The following CAPN3 variants were observed in gnomAD, a reference collection of about 807,000 sequenced individuals.
The protein encoded by CAPN3 is calpain 3.
CAPN3 carries 88 observed loss-of-function variants against 114.0 expected under a neutral mutation model. The ratio of observed to expected loss-of-function variants is 0.77; its 90% confidence interval spans 0.65 to 0.92. The LOEUF is 0.92. Ranked by LOEUF, CAPN3 falls within the 40% of genes least tolerant of loss-of-function variation. The probability of loss-of-function intolerance (pLI) is 0.00; values close to 1 mark genes in which losing one functional copy is unlikely to be tolerated. For missense variants in CAPN3, 1,028 were observed against 1,069.0 expected (o/e 0.96, Z 0.53); for synonymous variants, 386 against 382.9 (o/e 1.01, Z -0.09).
In CAPN3 at chr15:42,389,780, A is replaced by G. The variant is rs573208332; in HGVS notation, c.802-173A>G. ...CAGTTAGCACACAACACCATGGATGAACTTTTTTTCTGTATCACTTTTCTC... is the reference window on the plus strand; with the variant it reads ...CAGTTAGCACACAACACCATGGATGGACTTTTTTTCTGTATCACTTTTCTC... On this transcript the variant is annotated intron_variant, in intron 5 of 23. Coordinates refer to ENST00000397163, the MANE Select transcript of CAPN3 (RefSeq NM_000070.3). Among the ~76,000 whole-genome samples the G allele has an allele frequency of 3.3e-5, 5 of 152,276 alleles. No individual in the cohort carries two copies. In the East Asian group the frequency reaches 5.8e-4, roughly 18 times the overall value.
At position 42,360,011 on chromosome 15, in the gene CAPN3, T is replaced by G. The variant is rs1194234799; in HGVS notation, c.206T>G (p.Leu69Arg). ...TTCGAGCAACTTCACAAGAAATGTC[T>G]AGAAAAGAAAGTTCTTTATGTGGAC... ...KTFEQLHKKC[L>R]EKKVLYVDPE... Residue 69 changes from leucine (L) to arginine (R), a missense_variant, in exon 1 of 24, where the codon CTA (leucine) becomes CGA (arginine). Physicochemically the swap from Leu to Arg is moderately radical, Grantham distance 102. Coordinates refer to ENST00000397163, the MANE Select transcript of CAPN3 (RefSeq NM_000070.3). The G allele has an allele frequency of 6.2e-7, 1 of 1,614,236 alleles. No homozygotes were observed. The highest frequency in any genetic ancestry group is 8.5e-7 in the Non-Finnish European group (1 of 1,180,036).
chr15:42,383,209 G>A (rs748166284), intron 1 of CAPN3, among the ~76,000 whole-genome samples: 3 of 152,170 alleles, frequency 2.0e-5, no homozygotes, highest in Non-Finnish European at 4.4e-5. Flanking sequence ...TGTGATGGGG[G>A]TTGGGGGAAG....
chr15:42,359,700 C>G lies in CAPN3; in HGVS notation c.-106C>G. On this transcript the variant is annotated 5_prime_UTR_variant, in exon 1 of 24. Coordinates refer to ENST00000397163, the MANE Select transcript of CAPN3 (RefSeq NM_000070.3). Reference sequence around the variant, plus strand: ...GAACTGGATGTGGACACTTTTCTCTCAGATGACAGAATTACTCCAACTTCC... The same window carrying G: ...GAACTGGATGTGGACACTTTTCTCTGAGATGACAGAATTACTCCAACTTCC... The G allele has an allele frequency of 6.3e-7, 1 of 1,584,030 alleles. No individual in the cohort carries two copies. Among genetic ancestry groups the G allele is most frequent in the Non-Finnish European group, 8.6e-7 (1 of 1,167,840 alleles).
chr15:42,409,646 AG>A, intron 17 of CAPN3, 140 bp from the exon 18 acceptor site: 1 of 905,336 alleles, frequency 1.1e-6, no homozygotes, highest in Non-Finnish European at 1.8e-6. Context: ...TGTCTTCCTC[AG>A]AAAAGCCCCA....
intron 1 of CAPN3, among the ~76,000 whole-genome samples, chr15:42,366,312 G>C (rs2052774341): frequency 6.6e-6 from 1 of 152,068 alleles, no homozygotes; most frequent in African/African-American, 2.4e-5. Context: ...TATCGACATG[G>C]ACCCAGCCAC....
chr15:42,410,110 G>T (rs2054163468), intron 19 of CAPN3, 115 bp downstream of exon 19: 1 of 939,000 alleles, frequency 1.1e-6, no homozygotes, highest in African/African-American at 1.6e-5. Context: ...GGAAACTTAA[G>T]GAGACCCTGA....
Position 42,408,166 on chromosome 15 carries a change from ACTGTAATC to A in CAPN3, c.1801-42_1801-35del, listed in dbSNP as rs1390803834. The A allele has an allele frequency of 2.3e-6, 3 of 1,321,850 alleles. No individual in the cohort carries two copies. The South Asian group carries it at 3.5e-5, about 16-fold the overall frequency. The allele number at this position is 1,321,850 out of a possible 1,614,324, so 81.9% of individuals were successfully genotyped here. On this transcript the variant is annotated intron_variant, in intron 15 of 23. Coordinates refer to ENST00000397163, the MANE Select transcript of CAPN3 (RefSeq NM_000070.3). Reference sequence around the variant, plus strand: ...GTGCTGCCTCAGTGTGCCTGTTCAGACTGTAATCCTCCCTTCCTTCCTGCCTCCTCCCT... The same window carrying A: ...GTGCTGCCTCAGTGTGCCTGTTCAGACTCCCTTCCTTCCTGCCTCCTCCCT...
At chr15:42,383,377 T>A (rs976448872) in intron 1 of CAPN3, among the ~76,000 whole-genome samples, 2 of 152,100 alleles carry the variant, frequency 1.3e-5, no homozygotes, top group African/African-American at 4.8e-5. Flanking sequence ...TCACTTGAGG[T>A]CAGGAGTTCG....
intron 1 of CAPN3, among the ~76,000 whole-genome samples, chr15:42,382,975 T>C (rs1222497176): frequency 6.6e-6 from 1 of 152,242 alleles, no homozygotes; most frequent in African/African-American, 2.4e-5. Flanking sequence ...TAAACAGTTA[T>C]ATTCAGAGTT....
intron 4 of CAPN3, 107 bp downstream of exon 4, chr15:42,387,993 A>C: frequency 7.3e-7 from 1 of 1,360,724 alleles, no homozygotes; most frequent in Non-Finnish European, 1.0e-6. Flanking sequence ...CTATACGTGC[A>C]TATGTGTGGG....
rs778381048 is a variant in CAPN3 at position 42,401,697 on chromosome 15, C to G, written c.1411C>G (p.Pro471Ala). ...RLKLLEEDDD[P>A]DDSEVICSFL... ...GAAGCTCCTGGAGGAGGACGATGAC[C>G]CTGATGACTCGGAGGTGATTTGCAG... The change falls in exon 11 of 24, where the codon CCT becomes GCT. Residue 471 changes from proline (P) to alanine (A), a missense_variant. By Grantham distance (27) the Pro-to-Ala change is conservative. Coordinates refer to ENST00000397163, the MANE Select transcript of CAPN3 (RefSeq NM_000070.3). 1.2e-6 allele frequency: 2 copies of G among 1,614,142 alleles called. No individual in the cohort carries two copies. Among genetic ancestry groups the G allele is most frequent in the Non-Finnish European group, 1.7e-6 (2 of 1,180,018 alleles).
chr15:42,371,780 A>AT (rs2141127224), intron 1 of CAPN3, among the ~76,000 whole-genome samples: 1 of 152,264 alleles, frequency 6.6e-6, no homozygotes, highest in South Asian at 2.1e-4. Context: ...CCCGGCCAAT[A>AT]TGCTGAAACC....
intron 1 of CAPN3, among the ~76,000 whole-genome samples, chr15:42,382,363 T>C (rs1001427249): frequency 5.9e-5 from 9 of 152,012 alleles, no homozygotes; most frequent in Non-Finnish European, 1.2e-4. Flanking sequence ...TAGTGGGGTT[T>C]TTTGTTTTTG....
rs886042108 is a variant in CAPN3 at position 42,409,930 on chromosome 15, G to T, written c.2051-1G>T. The T allele has an allele frequency of 1.9e-6, 3 of 1,612,656 alleles. No homozygotes were observed. In the South Asian group the frequency reaches 3.3e-5, roughly 18 times the overall value. On this transcript the variant is annotated splice_acceptor_variant, in intron 18 of 23. Coordinates refer to ENST00000397163, the MANE Select transcript of CAPN3 (RefSeq NM_000070.3). LOFTEE classifies it high-confidence loss of function. ...CTCCTCACTCTTCTCCATCCCCCCA[G>T]ACAAGGACCTGAAGACACACGGGTT... is the stretch of plus-strand genomic sequence containing the variant.
chr15:42,393,984 G>A (rs1288873673), intron 7 of CAPN3, among the ~76,000 whole-genome samples: 2 of 152,068 alleles, frequency 1.3e-5, no homozygotes, highest in African/African-American at 2.4e-5. Context: ...CTCCCCCGAA[G>A]CTCATAACGG....
intron 6 of CAPN3, among the ~76,000 whole-genome samples, chr15:42,390,964 GT>G (rs1185383903): frequency 1.3e-5 from 2 of 151,172 alleles, no homozygotes; most frequent in Non-Finnish European, 3.0e-5. Flanking sequence ...GCTAATTTTT[GT>G]ATTTTTTAGT....
chr15:42,389,129 G>C, intron 5 of CAPN3, 33 bp downstream of exon 5: 2 of 1,607,350 alleles, frequency 1.2e-6, no homozygotes, highest in Non-Finnish European at 1.7e-6. Context: ...AGGGTGGGGA[G>C]CTCCAAGTGT....
At chr15:42,364,988 G>T (rs2052741958) in intron 1 of CAPN3, among the ~76,000 whole-genome samples, 1 of 152,160 alleles carries the variant, frequency 6.6e-6, no homozygotes. Flanking sequence ...TGGTAACATG[G>T]GATCCCAGAA....
intron 16 of CAPN3, chr15:42,409,094 G>A (rs546843090): frequency 1.8e-4 from 110 of 598,346 alleles, no homozygotes; most frequent in African/African-American, 1.8e-3. Flanking sequence ...TCCTTTGGCT[G>A]GGGGCGTCAG....
Sources: gnomAD v4.1 joint callset for allele counts (sites outside exome capture counted in the v4.1 genomes callset) on GRCh38, gnomAD v4.1.1 for gene constraint, MANE v1.5 for transcripts, NCBI Gene and HGNC (gene_info 2026-07-23, HGNC 2026-07-21) for gene names.